Variants in ORC5 observed in about 807,000 individuals in gnomAD.
ORC5 encodes the protein protein phosphatase 1, regulatory subunit 117.
In ORC5, 39 loss-of-function variants were observed where a neutral mutation model predicts 58.8. The observed-to-expected ratio is 0.66, with a 90% CI of 0.51 to 0.87. ORC5 has a LOEUF of 0.87. ORC5 is among the 40% of genes least tolerant of loss of function. The probability of loss-of-function intolerance (pLI) is 0.00; values close to 1 mark genes in which losing one functional copy is unlikely to be tolerated. For synonymous variants in ORC5, 218 were observed against 177.6 expected (o/e 1.23, Z -1.81); for missense variants, 493 against 506.3 (o/e 0.97, Z 0.25).
chr7:104,178,148 T>A (rs1343081738), intron 8 of ORC5, among the ~76,000 whole-genome samples: 1 of 152,218 alleles, frequency 6.6e-6, no homozygotes, highest in Non-Finnish European at 1.5e-5. Flanking sequence ...ATCACCACAC[T>A]GTCTTTCACA....
rs561646384 is a variant in ORC5 at position 104,130,619 on chromosome 7, G to A, written c.1263-3726C>T. Among the ~76,000 whole-genome samples the A allele has an allele frequency of 3.3e-5, 5 of 152,278 alleles. 1 individual carries two copies. The highest frequency in any genetic ancestry group is 1.2e-4 in the African/African-American group (5 of 41,562). On this transcript the variant is annotated intron_variant, in intron 13 of 13. Transcript: ENST00000297431. ...AGTCTTCCTTTCCAACCCAAGACCT[G>A]CGTCAGCCTAGTGACTTCACTATAT...
chr7:104,190,912 T>C (rs1799659629), intron 5 of ORC5, among the ~76,000 whole-genome samples: 1 of 151,892 alleles, frequency 6.6e-6, no homozygotes, highest in Non-Finnish European at 1.5e-5. Context: ...TGCCAATCAA[T>C]TAGATGCAGG....
intron 2 of ORC5, among the ~76,000 whole-genome samples, chr7:104,203,208 C>T (rs1010475877): frequency 3.3e-5 from 5 of 152,190 alleles, no homozygotes; most frequent in Non-Finnish European, 5.9e-5. Context: ...CTATCCTAAA[C>T]GTGCATCCTC....
At chr7:104,199,412 G>C (rs1182702529) in intron 3 of ORC5, among the ~76,000 whole-genome samples, 1 of 152,248 alleles carries the variant, frequency 6.6e-6, no homozygotes, top group South Asian at 2.1e-4. Context: ...TGGAGCCACA[G>C]AGGTCGAGCT....
At chr7:104,144,374 T>C (rs185158607) in intron 12 of ORC5, among the ~76,000 whole-genome samples, 25 of 152,314 alleles carry the variant, frequency 1.6e-4, no homozygotes, top group Admixed American at 1.6e-3. Context: ...TCCACCTTCC[T>C]TTCTATTATC....
At chr7:104,184,779 A>G (rs1197266202) in intron 6 of ORC5, among the ~76,000 whole-genome samples, 1 of 151,882 alleles carries the variant, frequency 6.6e-6, no homozygotes, top group East Asian at 1.9e-4. Flanking sequence ...CCCACCTTGG[A>G]TCTAGGAAAG....
At chr7:104,187,674 C>G in intron 6 of ORC5, 6 of 823,296 alleles carry the variant, frequency 7.3e-6, no homozygotes, top group Non-Finnish European at 7.3e-6. Flanking sequence ...TAAACATCAA[C>G]ATTTTCCAAA....
intron 13 of ORC5, among the ~76,000 whole-genome samples, chr7:104,128,431 G>GT (rs1403267970): frequency 6.6e-6 from 1 of 152,090 alleles, no homozygotes; most frequent in Non-Finnish European, 1.5e-5. Flanking sequence ...CCAACACATG[G>GT]TTTTTAAAAA....
Position 104,184,139 on chromosome 7 carries a change from G to T in ORC5, c.717C>A (p.Pro239=). 1 of 1,585,816 alleles carries T rather than the reference G, an allele frequency of 6.3e-7. No individual in the cohort carries two copies. The highest frequency in any genetic ancestry group is 8.6e-7 in the Non-Finnish European group (1 of 1,161,886). The change falls in exon 7 of 14, where the codon CCC becomes CCA. Residue 239 remains proline, a synonymous_variant. Transcript: ENST00000297431. ...AVLNFPKYCE[P]VVKGEASERD... ...CACAGTTACCTTCTCCTTTAACCAC[G>T]GGTTCACAATATTTAGGAAAATTAA...
intron 8 of ORC5, among the ~76,000 whole-genome samples, chr7:104,180,968 C>T (rs1271176145): frequency 3.9e-5 from 6 of 152,088 alleles, no homozygotes; most frequent in Admixed American, 1.3e-4. Context: ...AAAGCATTTG[C>T]AATCAGATTC....
At chr7:104,178,435 A>G (rs189503690) in intron 8 of ORC5, among the ~76,000 whole-genome samples, 2 of 152,246 alleles carry the variant, frequency 1.3e-5, no homozygotes, top group East Asian at 1.9e-4. Context: ...AGTTTGTTAA[A>G]GTTCCTTGTG....
chr7:104,199,650 A>G (rs2116081469), intron 3 of ORC5, among the ~76,000 whole-genome samples: 1 of 152,300 alleles, frequency 6.6e-6, no homozygotes, highest in East Asian at 1.9e-4. Context: ...CTTACTTTTG[A>G]TTTTATAGGC....
At chr7:104,198,091 T>C (rs7807600) in intron 3 of ORC5, among the ~76,000 whole-genome samples, 22,334 of 152,202 alleles carry the variant, frequency 0.15, 1,865 homozygotes, top group South Asian at 0.22. Flanking sequence ...TCTACTTTCA[T>C]CATGAGAGGA....
intron 13 of ORC5, among the ~76,000 whole-genome samples, chr7:104,132,348 A>G (rs1162231973): frequency 6.6e-6 from 1 of 152,214 alleles, no homozygotes; most frequent in Non-Finnish European, 1.5e-5. Context: ...GTGATTTTCA[A>G]TAACTCTATA....
At chr7:104,201,537 C>T (rs1358008354) in intron 2 of ORC5, among the ~76,000 whole-genome samples, 2 of 151,528 alleles carry the variant, frequency 1.3e-5, no homozygotes, top group South Asian at 2.1e-4. Context: ...AAGAAATCAG[C>T]CAGGCATGGT....
At chr7:104,137,266 C>G (rs1336863267) in intron 12 of ORC5, among the ~76,000 whole-genome samples, 2 of 57,540 alleles carry the variant, frequency 3.5e-5, no homozygotes, top group Non-Finnish European at 7.5e-5. Flanking sequence ...TTAAATGTGC[C>G]TACAAAAAAA....
chr7:104,192,422 T>A (rs905675659), intron 5 of ORC5, among the ~76,000 whole-genome samples: 14 of 152,248 alleles, frequency 9.2e-5, no homozygotes, highest in Admixed American at 6.5e-4. Flanking sequence ...GAGACCATGC[T>A]AAACATACAG....
In ORC5 at chr7:104,195,267, A is replaced by T. The variant is rs769330595; in HGVS notation, c.442-13T>A. 1 of 1,444,366 alleles carries T rather than the reference A, an allele frequency of 6.9e-7. No individual in the cohort carries two copies. Among genetic ancestry groups the T allele is most frequent in the Admixed American group, 2.5e-5 (1 of 40,062 alleles). The allele number at this position is 1,444,366 out of a possible 1,614,324, so 89.5% of individuals were successfully genotyped here. ...CATTTCTGTCAGCCTGTAAAAAGAAAGAAATAAAAGTAACTTCGCATTTAA... is the reference window on the plus strand; with the variant it reads ...CATTTCTGTCAGCCTGTAAAAAGAATGAAATAAAAGTAACTTCGCATTTAA... On this transcript the variant is annotated splice_polypyrimidine_tract_variant and intron_variant, in intron 4 of 13. Transcript: ENST00000297431.
chr7:104,166,910 G>T, intron 9 of ORC5, 26 bp from the exon 10 acceptor site: 1 of 1,269,420 alleles, frequency 7.9e-7, no homozygotes, highest in Non-Finnish European at 1.1e-6. Flanking sequence ...CTTTGATGAA[G>T]TACTTATTAG....
Sources: gnomAD v4.1 joint callset for allele counts (sites outside exome capture counted in the v4.1 genomes callset) on GRCh38, gnomAD v4.1.1 for gene constraint, MANE v1.5 for transcripts, NCBI Gene and HGNC (gene_info 2026-07-23, HGNC 2026-07-21) for gene names.